The following DENND2B variants were observed in gnomAD, a reference collection of about 807,000 sequenced individuals.
The protein encoded by DENND2B is DENN domain containing 2B, also known as DENN domain-containing protein 2B.
DENND2B carries 32 observed loss-of-function variants against 116.0 expected under a neutral mutation model. The ratio of observed to expected loss-of-function variants is 0.28; its 90% confidence interval spans 0.21 to 0.37. DENND2B has a LOEUF of 0.37. Ranked by LOEUF, DENND2B falls within the 10% of genes least tolerant of loss-of-function variation. The pLI is 1.00. For synonymous variants in DENND2B, 588 were observed against 583.9 expected (o/e 1.01, Z -0.10); for missense variants, 1,276 against 1,477.7 (o/e 0.86, Z 2.24).
intron 4 of DENND2B, among the ~76,000 whole-genome samples, chr11:8,819,288 C>T (rs141897670): frequency 2.0e-5 from 3 of 152,112 alleles, no homozygotes; most frequent in Non-Finnish European, 4.4e-5. Context: ...TGGCTACTTT[C>T]GACACTGAGG....
At chr11:8,910,218 A>G (rs1436610833) in intron 1 of DENND2B, among the ~76,000 whole-genome samples, 1 of 151,762 alleles carries the variant, frequency 6.6e-6, no homozygotes, top group Non-Finnish European at 1.5e-5. Flanking sequence ...CCCGGGGGCC[A>G]GGAACATCTG....
chr11:8,729,839 A>C (rs1231698355), intron 3 of DENND2B, 111 bp downstream of exon 3: 1 of 1,378,802 alleles, frequency 7.3e-7, no homozygotes, highest in Non-Finnish European at 9.9e-7. Context: ...AGCACTTCAG[A>C]GCTTACGAAG....
At chr11:8,868,955 G>A (rs1218187890) in intron 2 of DENND2B, among the ~76,000 whole-genome samples, 4 of 152,324 alleles carry the variant, frequency 2.6e-5, no homozygotes, top group African/African-American at 4.8e-5. Flanking sequence ...ACACAAATTC[G>A]TAAACTTTTA....
intron 3 of DENND2B, among the ~76,000 whole-genome samples, chr11:8,851,424 A>C (rs2063003336): frequency 6.6e-6 from 1 of 152,224 alleles, no homozygotes; most frequent in Non-Finnish European, 1.5e-5. Flanking sequence ...CAAGAAATGG[A>C]AATTAAAACA....
chr11:8,713,314 G>T (rs1016029818), intron 8 of DENND2B, among the ~76,000 whole-genome samples: 1 of 152,126 alleles, frequency 6.6e-6, no homozygotes, highest in Non-Finnish European at 1.5e-5. Context: ...AGTTTCCTCA[G>T]TCTACGGCAC....
intron 1 of DENND2B, among the ~76,000 whole-genome samples, chr11:8,795,966 A>G (rs1422273613): frequency 2.6e-5 from 4 of 152,218 alleles, no homozygotes; most frequent in African/African-American, 9.7e-5. Context: ...TTCAGAAGCA[A>G]GTCTGTTACT....
At position 8,886,513 on chromosome 11, in the gene DENND2B, A is replaced by T. The variant is rs142284783; in HGVS notation, c.-255-5404T>A. Among the ~76,000 whole-genome samples, 28 of 152,070 alleles carry T rather than the reference A, an allele frequency of 1.8e-4. 1 individual carries two copies. In the East Asian group the frequency reaches 5.3e-3, roughly 29 times the overall value. On this transcript the variant is annotated intron_variant, in intron 1 of 22. Transcript: ENST00000534127. ...TGAAATTGTGCCAAGGCTACATGTCAACTGCCTGGCAGGAAATGCTTTGGA... is the reference window on the plus strand; with the variant it reads ...TGAAATTGTGCCAAGGCTACATGTCTACTGCCTGGCAGGAAATGCTTTGGA...
intron 1 of DENND2B, among the ~76,000 whole-genome samples, chr11:8,906,205 C>CTTT (rs34217164): frequency 2.1e-5 from 2 of 93,300 alleles, no homozygotes; most frequent in African/African-American, 3.5e-5. Context: ...TCTTTTTTTT[C>CTTT]TTTTTTTTTT....
chr11:8,835,987 G>C lies in DENND2B; in HGVS notation c.-115+3323C>G, dbSNP rs902575714. On this transcript the variant is annotated intron_variant, in intron 4 of 6. Coordinates refer to the DENND2B transcript ENST00000524757. ...ACCTAGCTCTAACAGTCTCAGGAAAGTAGGAGGCATCCTCATCGGGGATGT... is the reference window on the plus strand; with the variant it reads ...ACCTAGCTCTAACAGTCTCAGGAAACTAGGAGGCATCCTCATCGGGGATGT... Among the ~76,000 whole-genome samples the C allele has an allele frequency of 3.3e-5, 5 of 152,066 alleles. No individual in the cohort carries two copies. In the South Asian group the frequency reaches 1.0e-3, roughly 32 times the overall value.
chr11:8,906,937 G>A (rs1378913595), intron 1 of DENND2B, among the ~76,000 whole-genome samples: 3 of 152,176 alleles, frequency 2.0e-5, no homozygotes, highest in Non-Finnish European at 4.4e-5. Context: ...ATAAATCACT[G>A]TCTAACTCTG....
intron 1 of DENND2B, among the ~76,000 whole-genome samples, chr11:8,802,237 G>A (rs1175372086): frequency 1.3e-5 from 2 of 151,468 alleles, no homozygotes; most frequent in African/African-American, 4.9e-5. Context: ...GGAGATGGAA[G>A]TTGCAGTGAG....
chr11:8,723,336 C>T (rs935545620), intron 4 of DENND2B, among the ~76,000 whole-genome samples: 4 of 152,164 alleles, frequency 2.6e-5, no homozygotes, highest in African/African-American at 4.8e-5. Context: ...GAGAAAGGGA[C>T]GGCTTCAACC....
In DENND2B at chr11:8,906,400, C is replaced by T. The variant is rs542871363; in HGVS notation, c.-256+4421G>A. Among the ~76,000 whole-genome samples the T allele has an allele frequency of 2.4e-4, 36 of 150,362 alleles. No individual in the cohort carries two copies. The South Asian group carries it at 4.9e-3, about 20-fold the overall frequency. On this transcript the variant is annotated intron_variant, in intron 1 of 22. Transcript: ENST00000534127. ...ATTTTTAATAGAGATGGGGTTTCAC[C>T]GTGTTAGCCAGGATGGTCTCAATCT... is the stretch of plus-strand genomic sequence containing the variant.
Position 8,699,303 on chromosome 11 carries a change from G to A in DENND2B, c.2808C>T (p.Ser936=). The A allele has an allele frequency of 6.2e-7, 1 of 1,605,092 alleles. No homozygotes were observed. The highest frequency in any genetic ancestry group is 8.5e-7 in the Non-Finnish European group (1 of 1,177,882). ...TGGGACAGCAGACGATGTCAATCAT[G>A]GAGGCCGGGAGGACAGGAATGAAGG... ...QHTFIPVLPA[S]MIDIVCCPTP... Residue 936 remains serine, a synonymous_variant, in exon 15 of 20, where the codon TCC becomes TCT. Coordinates refer to ENST00000313726, the MANE Select transcript of DENND2B (RefSeq NM_213618.2).
chr11:8,751,584 A>T (rs2052503055), intron 1 of DENND2B, among the ~76,000 whole-genome samples: 1 of 143,298 alleles, frequency 7.0e-6, no homozygotes, highest in African/African-American at 2.6e-5. Context: ...GAAGGAAAAA[A>T]CTCCGAACAC....
At chr11:8,700,074 C>G (rs1274026160) in intron 14 of DENND2B, 1 of 443,776 alleles carries the variant, frequency 2.3e-6, no homozygotes, top group Non-Finnish European at 4.5e-6. Context: ...TGGGGGGGGG[C>G]AGGGTGGCAA....
At chr11:8,838,533 G>A (rs769112220) in intron 4 of DENND2B, among the ~76,000 whole-genome samples, 20 of 152,228 alleles carry the variant, frequency 1.3e-4, no homozygotes, top group Non-Finnish European at 2.2e-4. Flanking sequence ...ATGTTTGGCA[G>A]GGACTAACTA....
intron 1 of DENND2B, among the ~76,000 whole-genome samples, chr11:8,901,229 C>CTTTTCTTTTTT (rs781408078): frequency 2.6e-4 from 22 of 83,922 alleles, no homozygotes; most frequent in East Asian, 7.9e-4. Flanking sequence ...CTTTTCTTTT[C>CTTTTCTTTTTT]TTTTTTTTTT....
At chr11:8,728,704 C>T (rs745820517) in intron 3 of DENND2B, among the ~76,000 whole-genome samples, 5 of 152,216 alleles carry the variant, frequency 3.3e-5, no homozygotes, top group Admixed American at 1.3e-4. Context: ...AACTCAGATG[C>T]CCCTTCTCTG....
Sources: gnomAD v4.1 joint callset for allele counts (sites outside exome capture counted in the v4.1 genomes callset) on GRCh38, gnomAD v4.1.1 for gene constraint, MANE v1.5 for transcripts, NCBI Gene and HGNC (gene_info 2026-07-23, HGNC 2026-07-21) for gene names.